CD44: variants seen among roughly 807,000 people sequenced by gnomAD.
The protein encoded by CD44 is CD44 molecule (IN blood group), also known as CD44 antigen.
In CD44, 49 loss-of-function variants were observed where a neutral mutation model predicts 88.8. The ratio of observed to expected loss-of-function variants is 0.55; its 90% CI spans 0.44 to 0.70. CD44 has a LOEUF of 0.70. CD44 is among the 30% of genes least tolerant of loss of function. CD44 has a pLI of 0.00. For synonymous variants in CD44, 325 were observed against 312.3 expected (o/e 1.04, Z -0.43); for missense variants, 883 against 913.8 (o/e 0.97, Z 0.43).
intron 17 of CD44, among the ~76,000 whole-genome samples, chr11:35,228,053 T>C (rs1033355612): frequency 2.0e-5 from 3 of 152,230 alleles, no homozygotes; most frequent in Non-Finnish European, 4.4e-5. Flanking sequence ...CCCATCTTGC[T>C]TGTAGTTGTG....
intron 7 of CD44, chr11:35,198,485 G>A (rs1946976510): frequency 2.1e-6 from 1 of 474,492 alleles, no homozygotes; most frequent in East Asian, 3.3e-5. Context: ...TTATCTATGG[G>A]ATCTACTGCT....
intron 15 of CD44, among the ~76,000 whole-genome samples, chr11:35,218,679 C>T (rs1949039391): frequency 1.3e-5 from 2 of 152,056 alleles, no homozygotes; most frequent in South Asian, 2.1e-4. Flanking sequence ...TTCAGGTTCC[C>T]TTTGGGCTTT....
At chr11:35,199,949 T>TG (rs1326084353) in intron 7 of CD44, among the ~76,000 whole-genome samples, 2 of 148,784 alleles carry the variant, frequency 1.3e-5, no homozygotes, top group African/African-American at 2.5e-5. Context: ...TTTTTTTTTT[T>TG]TTTTTTTTTT....
At chr11:35,228,259 C>A (rs960860874) in intron 17 of CD44, among the ~76,000 whole-genome samples, 24 of 152,142 alleles carry the variant, frequency 1.6e-4, no homozygotes, top group African/African-American at 5.1e-4. Flanking sequence ...GTTTGAGAAA[C>A]CTTAAATTAA....
At chr11:35,228,118 G>A (rs1392185332) in intron 17 of CD44, among the ~76,000 whole-genome samples, 2 of 152,274 alleles carry the variant, frequency 1.3e-5, no homozygotes, top group Middle Eastern at 3.4e-3. Flanking sequence ...ATGTGTAGTA[G>A]TGATATGTTA....
At chr11:35,184,391 T>C (rs1484115561) in intron 3 of CD44, among the ~76,000 whole-genome samples, 1 of 152,190 alleles carries the variant, frequency 6.6e-6, no homozygotes, top group Non-Finnish European at 1.5e-5. Flanking sequence ...GCAGTTATAT[T>C]TGAAGTTAGG....
intron 11 of CD44, 29 bp downstream of exon 11, chr11:35,206,272 AT>A: frequency 6.4e-7 from 1 of 1,569,158 alleles, no homozygotes; most frequent in Non-Finnish European, 8.6e-7. Context: ...TTTATATATT[AT>A]GTTTTTTGAA....
chr11:35,172,384 C>T (rs1167496700), intron 1 of CD44, among the ~76,000 whole-genome samples: 1 of 152,164 alleles, frequency 6.6e-6, no homozygotes, highest in East Asian at 1.9e-4. Flanking sequence ...TTTTGGCAAC[C>T]ACTGAGTGGA....
intron 14 of CD44, 79 bp from the exon 15 acceptor site, chr11:35,214,773 A>C (rs1948684114): frequency 3.8e-6 from 3 of 780,886 alleles, no homozygotes; most frequent in Non-Finnish European, 5.8e-6. Flanking sequence ...AGGCTGTATA[A>C]GAATGCAAAG....
intron 1 of CD44, among the ~76,000 whole-genome samples, chr11:35,153,200 G>C (rs1045828070): frequency 1.3e-5 from 2 of 152,150 alleles, no homozygotes; most frequent in African/African-American, 4.8e-5. Flanking sequence ...CCTTTGAGAC[G>C]ATAAAGGAGA....
At chr11:35,181,733 TATTTATATTC>T (rs1945026677) in intron 3 of CD44, among the ~76,000 whole-genome samples, 1 of 134,596 alleles carries the variant, frequency 7.4e-6, no homozygotes, top group Non-Finnish European at 1.5e-5. Flanking sequence ...TATATTTATA[TATTTATATTC>T]ATTTATATAA....
rs554485471 is a variant in CD44 at position 35,139,621 on chromosome 11, A to G, written c.67+251A>G. On this transcript the variant is annotated intron_variant, in intron 1 of 17. Coordinates refer to ENST00000428726, the MANE Select transcript of CD44 (RefSeq NM_000610.4). ...TTTGTTGGGCAGGCTGCCGGCGCGC[A>G]GTTTTGGGCGAGGTCGCTAGAGCTG... The G allele has an allele frequency of 4.1e-6, 3 of 739,484 alleles. No homozygotes were observed. The East Asian group carries it at 7.6e-5, about 19-fold the overall frequency. The allele number at this position is 739,484 out of a possible 1,614,324, so 45.8% of individuals were successfully genotyped here. A position where few individuals can be genotyped will look rare whatever the true frequency, so the allele number is the denominator to read the frequency against.
At chr11:35,142,614 C>G (rs913266616) in intron 1 of CD44, among the ~76,000 whole-genome samples, 1 of 152,182 alleles carries the variant, frequency 6.6e-6, no homozygotes, top group Non-Finnish European at 1.5e-5. Context: ...AGCAAAGAGG[C>G]AAAGCTTCAT....
intron 1 of CD44, among the ~76,000 whole-genome samples, chr11:35,173,967 G>T (rs555164747): frequency 6.6e-6 from 1 of 152,308 alleles, no homozygotes; most frequent in South Asian, 2.1e-4. Context: ...GCTGGGTGAC[G>T]TTGGGGAGTC....
intron 1 of CD44, among the ~76,000 whole-genome samples, chr11:35,168,753 C>T (rs4141971): frequency 0.21 from 32,003 of 152,156 alleles, 3,955 homozygotes; most frequent in East Asian, 0.53. Context: ...GGAGAACTGA[C>T]AGTGCCCTCT....
At position 35,201,704 on chromosome 11, in the gene CD44, G is replaced by A. The variant is rs1947330845; in HGVS notation, c.1070G>A (p.Gly357Glu). 6.2e-7 allele frequency: 1 copy of A among 1,613,816 alleles called. No homozygotes were observed. Among genetic ancestry groups the A allele is most frequent in the Non-Finnish European group, 8.5e-7 (1 of 1,179,764 alleles). Reference protein sequence around the residue: ...VDRNGTTAYEGNWNPEAHPPL... With the variant: ...VDRNGTTAYEENWNPEAHPPL... ...AGAAATGGCACCACTGCTTATGAAG[G>A]AAACTGGAACCCAGAAGCACACCCT... The change falls in exon 9 of 18, where the codon GGA becomes GAA. Residue 357 changes from glycine to glutamate, a missense_variant. By Grantham distance (98) the Gly-to-Glu change is moderately conservative. Around this residue, in one of 2 missense-constraint regions of CD44, gnomAD observed 631 missense variants for 590.9 expected, o/e 1.07. Transcript: ENST00000428726.
chr11:35,205,433 T>A (rs183428485), intron 10 of CD44, among the ~76,000 whole-genome samples: 3 of 152,348 alleles, frequency 2.0e-5, no homozygotes, highest in African/African-American at 7.2e-5. Flanking sequence ...TCTAAATGAA[T>A]TCCTGGCAGA....
chr11:35,188,935 C>T (rs1289904745), intron 4 of CD44, among the ~76,000 whole-genome samples: 1 of 150,112 alleles, frequency 6.7e-6, no homozygotes, highest in Admixed American at 6.6e-5. Flanking sequence ...GAGACTCCAT[C>T]TCGAAAAAAA....
chr11:35,156,776 A>C (rs1298099211), intron 1 of CD44, among the ~76,000 whole-genome samples: 2 of 152,208 alleles, frequency 1.3e-5, no homozygotes, highest in Non-Finnish European at 2.9e-5. Flanking sequence ...CATGCCTGTA[A>C]TTCAGCACTT....
Sources: allele counts gnomAD v4.1 joint callset (sites outside exome capture counted in the v4.1 genomes callset), GRCh38; gene constraint gnomAD v4.1.1; regional missense constraint gnomAD v4.1.1; transcripts MANE v1.5; gene names NCBI Gene and HGNC (gene_info 2026-07-23, HGNC 2026-07-21).